STPG2: variants seen among roughly 807,000 people sequenced by gnomAD.
STPG2 encodes the protein sperm tail PG-rich repeat containing 2.
Under a neutral mutation model 54.2 loss-of-function variants are expected in STPG2, and 56 were observed. The observed-to-expected ratio is 1.03, with a 90% CI of 0.83 to 1.29. The LOEUF is 1.29. STPG2 is among the 50% of genes most tolerant of loss of function. The probability of loss-of-function intolerance (pLI) is 0.00; values close to 1 mark genes in which losing one functional copy is unlikely to be tolerated. For missense variants in STPG2, 596 were observed against 544.9 expected (o/e 1.09, Z -0.93); for synonymous variants, 200 against 181.8 (o/e 1.10, Z -0.81).
chr4:97,763,323 T>C (rs1386537020), intron 9 of STPG2, among the ~76,000 whole-genome samples: 1 of 152,154 alleles, frequency 6.6e-6, no homozygotes, highest in Non-Finnish European at 1.5e-5. Context: ...CCTTGCACCT[T>C]GGATTCTAAA....
intron 10 of STPG2, among the ~76,000 whole-genome samples, chr4:97,600,723 T>C (rs1733436002): frequency 6.6e-6 from 1 of 152,088 alleles, no homozygotes; most frequent in African/African-American, 2.4e-5. Context: ...GCTATGCATA[T>C]GCATAGTGGG....
rs112360718 is a variant in STPG2 at position 97,918,337 on chromosome 4, A to G, written c.1044+25560T>C. Reference sequence around the variant, plus strand: ...CAGGATTCTGAATTGATATTGTAACAATACAGAGAAAGCCAGCACAGGAAA... The same window carrying G: ...CAGGATTCTGAATTGATATTGTAACGATACAGAGAAAGCCAGCACAGGAAA... On this transcript the variant is annotated intron_variant, in intron 8 of 10. Transcript: ENST00000295268. 5.6e-3 allele frequency among the ~76,000 whole-genome samples: 858 copies of G among 152,292 alleles called. 5 individuals carry two copies. Among genetic ancestry groups the G allele is most frequent in the Middle Eastern group, 0.02 (6 of 294 alleles).
At chr4:97,515,134 G>C (rs1417042946) in intron 4 of STPG2, among the ~76,000 whole-genome samples, 2 of 152,026 alleles carry the variant, frequency 1.3e-5, no homozygotes, top group Non-Finnish European at 2.9e-5. Flanking sequence ...AATCTATTTT[G>C]TTGTGGTGTA....
chr4:97,623,627 T>A (rs890598894), intron 10 of STPG2, among the ~76,000 whole-genome samples: 13 of 152,204 alleles, frequency 8.5e-5, no homozygotes, highest in African/African-American at 1.9e-4. Flanking sequence ...AAAAAATTTT[T>A]AAAAAATTTC....
intron 5 of STPG2, among the ~76,000 whole-genome samples, chr4:98,086,694 C>T (rs1738526655): frequency 4.7e-5 from 6 of 127,730 alleles, no homozygotes; most frequent in Admixed American, 1.5e-4. Flanking sequence ...AAAAGGTGCC[C>T]TGCACAAATC....
At chr4:97,535,551 C>G (rs1348625929) in intron 4 of STPG2, among the ~76,000 whole-genome samples, 4 of 152,094 alleles carry the variant, frequency 2.6e-5, no homozygotes, top group Non-Finnish European at 5.9e-5. Flanking sequence ...TTCCTTTTAG[C>G]ATGGTAAAAA....
At chr4:97,852,967 C>CTTTTTTTTT (rs574886386) in intron 8 of STPG2, among the ~76,000 whole-genome samples, 2 of 69,630 alleles carry the variant, frequency 2.9e-5, no homozygotes, top group African/African-American at 1.3e-4. Context: ...AACATATTTT[C>CTTTTTTTTT]TTTTTTTTTT....
At chr4:97,996,930 A>G (rs537609036) in intron 5 of STPG2, among the ~76,000 whole-genome samples, 1 of 152,350 alleles carries the variant, frequency 6.6e-6, no homozygotes, top group Non-Finnish European at 1.5e-5. Context: ...TAAAAAGTCA[A>G]AAAATAACAG....
chr4:97,889,972 C>A (rs887952112), intron 8 of STPG2, among the ~76,000 whole-genome samples: 1 of 152,012 alleles, frequency 6.6e-6, no homozygotes, highest in Non-Finnish European at 1.5e-5. Flanking sequence ...TTTCAGAAAT[C>A]TAATTAATTT....
At chr4:97,802,166 G>A (rs1363170623) in intron 9 of STPG2, among the ~76,000 whole-genome samples, 2 of 152,056 alleles carry the variant, frequency 1.3e-5, no homozygotes, top group African/African-American at 4.8e-5. Flanking sequence ...CCTATCCTCA[G>A]GCCCACATCT....
intron 4 of STPG2, among the ~76,000 whole-genome samples, chr4:97,459,877 T>C (rs1415368982): frequency 6.6e-6 from 1 of 152,214 alleles, no homozygotes; most frequent in Non-Finnish European, 1.5e-5. Flanking sequence ...ATAAACTCTA[T>C]CCACATGTAC....
chr4:97,829,623 T>C (rs572284991), intron 9 of STPG2, among the ~76,000 whole-genome samples: 6 of 152,216 alleles, frequency 3.9e-5, no homozygotes, highest in African/African-American at 1.4e-4. Context: ...GCTAAAAACC[T>C]TGCAAGAAGG....
chr4:97,625,583 G>A (rs1264346686), intron 10 of STPG2, among the ~76,000 whole-genome samples: 4 of 152,186 alleles, frequency 2.6e-5, no homozygotes, highest in Admixed American at 2.6e-4. Flanking sequence ...GAAGTGTTGA[G>A]ATTACAGGTG....
chr4:97,645,307 A>G (rs1354732070), intron 10 of STPG2, among the ~76,000 whole-genome samples: 1 of 145,422 alleles, frequency 6.9e-6, no homozygotes, highest in Non-Finnish European at 1.5e-5. Flanking sequence ...ATCTTGCTGA[A>G]AAAAAAAAAA....
rs1345270003 is a variant in STPG2 at position 98,019,936 on chromosome 4, C to A, written c.613-38618G>T. Among the ~76,000 whole-genome samples the A allele has an allele frequency of 2.5e-5, 3 of 122,116 alleles. No individual in the cohort carries two copies. The East Asian group carries it at 6.6e-4, about 27-fold the overall frequency. The allele number at this position is 122,116 out of a possible 152,430, so 80.1% of individuals were successfully genotyped here. ...TTTTGGGCTGAGACAATGGGGTTTT[C>A]TAGATATACAATCATGTCGTCTGCA... On this transcript the variant is annotated intron_variant, in intron 5 of 10. Coordinates refer to ENST00000295268, the MANE Select transcript of STPG2 (RefSeq NM_174952.3).
At chr4:97,450,222 T>C (rs1578307740) in intron 4 of STPG2, among the ~76,000 whole-genome samples, 1 of 152,188 alleles carries the variant, frequency 6.6e-6, no homozygotes, top group Non-Finnish European at 1.5e-5. Flanking sequence ...TAATCCAAAA[T>C]ATTTCATGAT....
chr4:97,992,135 G>A (rs1735040342), intron 5 of STPG2, among the ~76,000 whole-genome samples: 1 of 152,066 alleles, frequency 6.6e-6, no homozygotes, highest in Non-Finnish European at 1.5e-5. Flanking sequence ...TGTTTCTGTT[G>A]CGTTTGCTAT....
intron 9 of STPG2, among the ~76,000 whole-genome samples, chr4:97,816,471 G>A (rs536760694): frequency 1.1e-4 from 17 of 152,264 alleles, no homozygotes; most frequent in African/African-American, 4.1e-4. Flanking sequence ...CTTCCACAAT[G>A]GTTGAGCAAA....
chr4:97,732,660 A>T (rs1297983809), intron 9 of STPG2, among the ~76,000 whole-genome samples: 1 of 152,204 alleles, frequency 6.6e-6, no homozygotes, highest in East Asian at 1.9e-4. Context: ...GAAACTATGG[A>T]TGGGAGAAAA....
Sources: allele counts gnomAD v4.1 joint callset (sites outside exome capture counted in the v4.1 genomes callset), GRCh38; gene constraint gnomAD v4.1.1; transcripts MANE v1.5; gene names NCBI Gene and HGNC (gene_info 2026-07-23, HGNC 2026-07-21).